PAQR5: variants seen among roughly 807,000 people sequenced by gnomAD.
PAQR5 encodes membrane progestin receptor gamma.
A neutral mutation model predicts 34.5 loss-of-function variants in PAQR5; 20 were observed. That is an observed-to-expected ratio of 0.58 (90% CI 0.41 to 0.84). The LOEUF (loss-of-function observed/expected upper bound fraction) is 0.84. PAQR5 is among the 40% of genes least tolerant of loss of function. The pLI is 0.00. For synonymous variants in PAQR5, 131 were observed against 155.6 expected (o/e 0.84, Z 1.18); for missense variants, 378 against 412.7 (o/e 0.92, Z 0.73).
At chr15:69,389,434 G>A (rs1208984039) in intron 5 of PAQR5, among the ~76,000 whole-genome samples, 1 of 152,248 alleles carries the variant, frequency 6.6e-6, no homozygotes, top group Non-Finnish European at 1.5e-5. Flanking sequence ...TAAAGCCCTT[G>A]GAGCAAAGCT....
chr15:69,372,567 G>A (rs78170051), intron 3 of PAQR5, among the ~76,000 whole-genome samples: 6,038 of 152,080 alleles, frequency 0.04, 157 homozygotes, highest in East Asian at 0.12. Flanking sequence ...AAAACAAAAA[G>A]CATTCTTATG....
At chr15:69,339,847 A>G (rs2054599214) in intron 2 of PAQR5, among the ~76,000 whole-genome samples, 2 of 152,046 alleles carry the variant, frequency 1.3e-5, no homozygotes, top group African/African-American at 4.8e-5. Context: ...TTCGTAATCA[A>G]TACAGGTGAC....
chr15:69,358,228 G>A (rs2055130903), intron 2 of PAQR5, among the ~76,000 whole-genome samples: 1 of 152,138 alleles, frequency 6.6e-6, no homozygotes, highest in Non-Finnish European at 1.5e-5. Context: ...TCTCTGTGGT[G>A]CACATTACTC....
At chr15:69,335,071 A>C (rs1438590627) in intron 1 of PAQR5, among the ~76,000 whole-genome samples, 3 of 151,902 alleles carry the variant, frequency 2.0e-5, no homozygotes, top group Non-Finnish European at 4.4e-5. Context: ...GAAAAAATAC[A>C]AAAATTAGCC....
At chr15:69,382,696 A>ATG (rs2055928273) in intron 4 of PAQR5, among the ~76,000 whole-genome samples, 4 of 92,226 alleles carry the variant, frequency 4.3e-5, no homozygotes, top group African/African-American at 1.5e-4. Context: ...ATATATATAT[A>ATG]TATATATATG....
chr15:69,312,623 C>G (rs1268203087), intron 1 of PAQR5, among the ~76,000 whole-genome samples: 1 of 151,682 alleles, frequency 6.6e-6, no homozygotes, highest in Non-Finnish European at 1.5e-5. Context: ...AACCCCCCTT[C>G]TCCTGTCCAG....
intron 6 of PAQR5, among the ~76,000 whole-genome samples, chr15:69,396,381 G>A (rs1343034589): frequency 6.6e-6 from 1 of 151,998 alleles, no homozygotes; most frequent in Non-Finnish European, 1.5e-5. Flanking sequence ...TGTGATAGGG[G>A]GCAGAACTGT....
intron 6 of PAQR5, among the ~76,000 whole-genome samples, chr15:69,390,352 A>AT (rs1270003563): frequency 0.035 from 4,502 of 128,216 alleles, 180 homozygotes; most frequent in Middle Eastern, 0.085. Flanking sequence ...TTATTTATTT[A>AT]TTTATTTATT....
intron 1 of PAQR5, among the ~76,000 whole-genome samples, chr15:69,321,790 A>G (rs1262454382): frequency 6.6e-6 from 1 of 152,196 alleles, no homozygotes; most frequent in Non-Finnish European, 1.5e-5. Context: ...GAAGTCATTC[A>G]GTGGCTCAGC....
chr15:69,326,436 CTTTTT>C (rs34210567), intron 1 of PAQR5, among the ~76,000 whole-genome samples: 4 of 131,726 alleles, frequency 3.0e-5, no homozygotes, highest in Non-Finnish European at 5.0e-5. Flanking sequence ...AGCTCTTTGT[CTTTTT>C]TTTTTTTTTT....
intron 1 of PAQR5, among the ~76,000 whole-genome samples, chr15:69,304,254 G>T (rs2053667446): frequency 6.6e-6 from 1 of 152,172 alleles, no homozygotes; most frequent in South Asian, 2.1e-4. Context: ...TACTGCCCTG[G>T]CCTTCTCTTT....
intron 1 of PAQR5, among the ~76,000 whole-genome samples, chr15:69,329,463 C>CCTTT (rs1224567638): frequency 1.1e-3 from 81 of 73,786 alleles, no homozygotes; most frequent in African/African-American, 4.6e-3. Flanking sequence ...TTTTTTCTTT[C>CCTTT]TTTTTTTTTT....
intron 5 of PAQR5, among the ~76,000 whole-genome samples, chr15:69,387,969 T>G (rs2056158561): frequency 6.6e-6 from 1 of 152,064 alleles, no homozygotes; most frequent in African/African-American, 2.4e-5. Flanking sequence ...CCTCCATTGC[T>G]GAGAACAACT....
intron 1 of PAQR5, among the ~76,000 whole-genome samples, chr15:69,315,556 C>G (rs1339106243): frequency 2.6e-5 from 4 of 152,262 alleles, no homozygotes; most frequent in Middle Eastern, 3.4e-3. Context: ...CCAGCCTTAC[C>G]TTCTTACCAC....
chr15:69,357,642 G>A (rs182355352), intron 2 of PAQR5, among the ~76,000 whole-genome samples: 5 of 152,160 alleles, frequency 3.3e-5, no homozygotes, highest in African/African-American at 9.6e-5. Flanking sequence ...TGAACACTTC[G>A]GTTGCTTCCA....
chr15:69,359,173 C>T (rs573249751), intron 2 of PAQR5, among the ~76,000 whole-genome samples: 4 of 152,158 alleles, frequency 2.6e-5, no homozygotes, highest in African/African-American at 4.8e-5. Flanking sequence ...ACTAATCCCA[C>T]TCGTAAGGGC....
intron 2 of PAQR5, among the ~76,000 whole-genome samples, chr15:69,341,817 G>A (rs764126839): frequency 1.3e-5 from 2 of 151,290 alleles, no homozygotes; most frequent in Non-Finnish European, 2.9e-5. Context: ...GGTGGCATGT[G>A]TCTGTGGTCC....
At position 69,364,413 on chromosome 15, in the gene PAQR5, AAAAAC is replaced by A. The variant is rs148375221; in HGVS notation, c.51+4301_51+4305del. ...TTAAAGCAATCACCATTCTGTCTCC[AAAAAC>A]AAAACAAAACAAAACAAATATATAT... On this transcript the variant is annotated intron_variant, in intron 3 of 8. Transcript: ENST00000395407. Among the ~76,000 whole-genome samples, 6 of 145,356 alleles carry A rather than the reference AAAAAC, an allele frequency of 4.1e-5. No individual in the cohort carries two copies. In the South Asian group the frequency reaches 1.1e-3, roughly 26 times the overall value.
chr15:69,376,784 A>C (rs2055718355), intron 3 of PAQR5, among the ~76,000 whole-genome samples: 3 of 152,078 alleles, frequency 2.0e-5, no homozygotes, highest in African/African-American at 7.2e-5. Context: ...CCAGATTCCT[A>C]AATGAGGTCA....
Sources: gnomAD v4.1 joint callset for allele counts (sites outside exome capture counted in the v4.1 genomes callset) on GRCh38, gnomAD v4.1.1 for gene constraint, MANE v1.5 for transcripts, NCBI Gene and HGNC (gene_info 2026-07-23, HGNC 2026-07-21) for gene names.